ADAMTS19: variants seen among roughly 807,000 people sequenced by gnomAD.
The protein encoded by ADAMTS19 is A disintegrin and metalloproteinase with thrombospondin motifs 19.
In ADAMTS19, 93 loss-of-function variants were observed where a neutral mutation model predicts 153.3. The observed-to-expected ratio is 0.61, with a 90% CI of 0.51 to 0.72. The LOEUF (loss-of-function observed/expected upper bound fraction) is 0.72, where lower values mean the gene tolerates loss of function less well. Ranked by LOEUF, ADAMTS19 falls within the 30% of genes least tolerant of loss-of-function variation. ADAMTS19 has a pLI of 0.00. For missense variants in ADAMTS19, 1,482 were observed against 1,552.1 expected (o/e 0.95, Z 0.76); for synonymous variants, 600 against 556.6 (o/e 1.08, Z -1.10).
At chr5:129,631,181 T>TA (rs1554100689) in intron 10 of ADAMTS19, among the ~76,000 whole-genome samples, 3,221 of 138,614 alleles carry the variant, frequency 0.023, 103 homozygotes, top group African/African-American at 0.078. Context: ...TTTTTTTTTT[T>TA]ATCACTTAAG....
At chr5:129,688,222 C>G (rs1755175764) in intron 18 of ADAMTS19, 1 of 152,034 alleles carries the variant, frequency 6.6e-6, no homozygotes, top group African/African-American at 2.4e-5. Flanking sequence ...AGAGTAAGTT[C>G]AAAGCACAGA....
intron 21 of ADAMTS19, among the ~76,000 whole-genome samples, chr5:129,714,628 C>T (rs988580183): frequency 6.6e-6 from 1 of 152,052 alleles, no homozygotes; most frequent in Non-Finnish European, 1.5e-5. Context: ...GCAGACGCTA[C>T]GTAACTGAGT....
chr5:129,629,392 G>A (rs1192060227), intron 10 of ADAMTS19, among the ~76,000 whole-genome samples: 1 of 151,986 alleles, frequency 6.6e-6, no homozygotes, highest in African/African-American at 2.4e-5. Flanking sequence ...AAGATTTGTA[G>A]TGTGAGGGTT....
chr5:129,566,885 T>A (rs143542145), intron 7 of ADAMTS19, among the ~76,000 whole-genome samples: 109 of 152,156 alleles, frequency 7.2e-4, no homozygotes, highest in Middle Eastern at 3.4e-3. Context: ...TTGCTTCTCA[T>A]CTCTTGATTC....
Position 129,704,169 on chromosome 5 carries a change from C to T in ADAMTS19, c.3160-70C>T, listed in dbSNP as rs558369977. The T allele has an allele frequency of 2.3e-5, 34 of 1,504,572 alleles. No homozygotes were observed. In the East Asian group the frequency reaches 7.5e-4, roughly 33 times the overall value. The allele number at this position is 1,504,572 out of a possible 1,614,324, so 93.2% of individuals were successfully genotyped here. ...CATAACAGATTATTGGAAACCAGTA[C>T]TTAATTGAGCCTATCATCTATATCT... is the stretch of plus-strand genomic sequence containing the variant. On this transcript the variant is annotated intron_variant, in intron 20 of 22. Transcript: ENST00000274487.
intron 17 of ADAMTS19, among the ~76,000 whole-genome samples, chr5:129,683,521 G>A (rs1754923507): frequency 6.6e-6 from 1 of 151,974 alleles, no homozygotes; most frequent in Admixed American, 6.6e-5. Flanking sequence ...CAGTAACCTT[G>A]CTTGCTACAA....
At chr5:129,477,289 G>A (rs1027792950) in intron 2 of ADAMTS19, among the ~76,000 whole-genome samples, 9 of 152,138 alleles carry the variant, frequency 5.9e-5, no homozygotes, top group African/African-American at 1.7e-4. Context: ...TGATAAAACA[G>A]TAAATTAAAG....
chr5:129,602,642 T>C (rs74290699), intron 8 of ADAMTS19, among the ~76,000 whole-genome samples: 3,643 of 152,326 alleles, frequency 0.024, 119 homozygotes, highest in African/African-American at 0.079. Context: ...ATTAAGTATA[T>C]TGTAAAGATT....
At chr5:129,640,944 C>T (rs1160267278) in intron 10 of ADAMTS19, among the ~76,000 whole-genome samples, 1 of 152,110 alleles carries the variant, frequency 6.6e-6, no homozygotes, top group Non-Finnish European at 1.5e-5. Context: ...CGTGCCTCAG[C>T]CTCCTGAGTA....
intron 6 of ADAMTS19, among the ~76,000 whole-genome samples, chr5:129,538,609 A>G (rs1280507058): frequency 6.6e-6 from 1 of 152,102 alleles, no homozygotes; most frequent in Non-Finnish European, 1.5e-5. Flanking sequence ...AGTGTGATAT[A>G]TTTCATATAT....
chr5:129,696,232 A>G (rs1755544927), intron 19 of ADAMTS19, among the ~76,000 whole-genome samples: 2 of 152,010 alleles, frequency 1.3e-5, no homozygotes, highest in Admixed American at 6.6e-5. Flanking sequence ...AGTCTGACCA[A>G]TTTGGAGAAA....
In ADAMTS19 at chr5:129,654,317, G is replaced by T; in HGVS notation, c.2188G>T (p.Ala730Ser). Residue 730 changes from alanine to serine, a missense_variant, in exon 14 of 23, where the codon GCC (alanine) becomes TCC (serine). Ala to Ser is a moderately conservative substitution (Grantham distance 99). Transcript: ENST00000274487. ...TACTCTGTATGTAGAAAAACCATGT[G>T]CCTTGTTTTGCTCTCCTGTTGGAAA... ...QAVLDEEKPC[A>S]LFCSPVGKEQ... 1.2e-6 allele frequency: 2 copies of T among 1,609,970 alleles called. No individual in the cohort carries two copies. The highest frequency in any genetic ancestry group is 8.5e-7 in the Non-Finnish European group (1 of 1,179,124).
intron 8 of ADAMTS19, among the ~76,000 whole-genome samples, chr5:129,606,068 G>C (rs966743363): frequency 6.6e-6 from 1 of 152,132 alleles, no homozygotes; most frequent in African/African-American, 2.4e-5. Context: ...CAATTCAGGA[G>C]TTTCTTTGGA....
chr5:129,700,417 A>G (rs1407997701), intron 19 of ADAMTS19, among the ~76,000 whole-genome samples: 1 of 152,202 alleles, frequency 6.6e-6, no homozygotes, highest in Non-Finnish European at 1.5e-5. Flanking sequence ...GCCTGGTCAC[A>G]GAAATCTAGT....
intron 7 of ADAMTS19, among the ~76,000 whole-genome samples, chr5:129,567,933 A>G (rs1299479525): frequency 2.6e-5 from 4 of 152,210 alleles, no homozygotes; most frequent in Admixed American, 6.5e-5. Flanking sequence ...GCTGTTATTT[A>G]TAAGGAAACA....
At chr5:129,722,258 A>G (rs1581262966) in intron 21 of ADAMTS19, among the ~76,000 whole-genome samples, 2 of 152,170 alleles carry the variant, frequency 1.3e-5, no homozygotes, top group African/African-American at 4.8e-5. Flanking sequence ...CCTCACCAGT[A>G]TCTGTTGTTT....
chr5:129,736,375 C>G (rs1448078737), intron 22 of ADAMTS19, among the ~76,000 whole-genome samples: 2 of 152,024 alleles, frequency 1.3e-5, no homozygotes, highest in Non-Finnish European at 2.9e-5. Flanking sequence ...ACGATTCATT[C>G]TCATATGCAA....
intron 11 of ADAMTS19, among the ~76,000 whole-genome samples, chr5:129,645,919 C>G (rs1235305656): frequency 2.4e-5 from 2 of 82,990 alleles, no homozygotes; most frequent in East Asian, 4.5e-4. Context: ...GACGGAGTCT[C>G]GCTCTGTCGC....
intron 8 of ADAMTS19, among the ~76,000 whole-genome samples, chr5:129,611,345 A>C (rs1751204897): frequency 6.6e-6 from 1 of 152,156 alleles, no homozygotes; most frequent in Non-Finnish European, 1.5e-5. Flanking sequence ...TTGGTGTTTT[A>C]GACACGAAGT....
Sources: gnomAD v4.1 joint callset for allele counts (sites outside exome capture counted in the v4.1 genomes callset) on GRCh38, gnomAD v4.1.1 for gene constraint, MANE v1.5 for transcripts, NCBI Gene and HGNC (gene_info 2026-07-23, HGNC 2026-07-21) for gene names.